Variants in ANO5 observed in about 807,000 individuals in gnomAD.
The protein encoded by ANO5 is anoctamin 5, also known as anoctamin-5.
Under a neutral mutation model 121.0 loss-of-function variants are expected in ANO5, and 109 were observed. The observed-to-expected ratio is 0.90, with a 90% CI of 0.77 to 1.06. ANO5 has a LOEUF of 1.06. Ranked by LOEUF, ANO5 falls within the 50% of genes least tolerant of loss-of-function variation. ANO5 has a pLI of 0.00. For synonymous variants in ANO5, 406 were observed against 359.9 expected (o/e 1.13, Z -1.45); for missense variants, 1,064 against 1,078.5 (o/e 0.99, Z 0.19).
At chr11:22,217,404 T>C (rs1852480248) in intron 3 of ANO5, among the ~76,000 whole-genome samples, 1 of 151,912 alleles carries the variant, frequency 6.6e-6, no homozygotes, top group Non-Finnish European at 1.5e-5. Flanking sequence ...AATGACTTTT[T>C]ATGTATTCTA....
At chr11:22,279,411 C>A in intron 21 of ANO5, 133 bp from the exon 22 acceptor site, 1 of 719,622 alleles carries the variant, frequency 1.4e-6, no homozygotes, top group Non-Finnish European at 2.4e-6. Context: ...GGACAGAGAC[C>A]ATATCTTCTT....
At chr11:22,274,444 A>G in intron 19 of ANO5, 125 bp from the exon 20 acceptor site, 1 of 903,856 alleles carries the variant, frequency 1.1e-6, no homozygotes, top group South Asian at 1.9e-5. Context: ...TATTACTATG[A>G]TTTATAATAG....
At chr11:22,211,635 C>G (rs1168321355) in intron 3 of ANO5, among the ~76,000 whole-genome samples, 1 of 151,848 alleles carries the variant, frequency 6.6e-6, no homozygotes, top group Non-Finnish European at 1.5e-5. Context: ...CTTGACTACA[C>G]TCAAGTTTCT....
intron 17 of ANO5, among the ~76,000 whole-genome samples, chr11:22,266,846 G>A (rs1042837709): frequency 2.0e-5 from 3 of 152,046 alleles, no homozygotes; most frequent in Admixed American, 6.6e-5. Flanking sequence ...AGCATCCTTG[G>A]ACTCTATCCA....
chr11:22,258,625 C>T (rs566074632), intron 14 of ANO5, among the ~76,000 whole-genome samples: 6 of 152,158 alleles, frequency 3.9e-5, no homozygotes, highest in South Asian at 2.1e-4. Context: ...CGCATATTAG[C>T]GCACTAATGG....
chr11:22,281,730 C>G lies in ANO5; in HGVS notation c.*1965C>G, dbSNP rs1266392902. 6.6e-6 allele frequency: 1 copy of G among 151,936 alleles called. No individual in the cohort carries two copies. Among genetic ancestry groups the G allele is most frequent in the Non-Finnish European group, 1.5e-5 (1 of 67,948 alleles). The allele number at this position is 151,936 out of a possible 1,614,324, so 9.4% of individuals were successfully genotyped here. ...GCTTAAAAGTATTCATAGAGGTAGA[C>G]TGTATGATAAATAAAAACAAATTTA... On this transcript the variant is annotated 3_prime_UTR_variant, in exon 22 of 22. Transcript: ENST00000324559.
intron 7 of ANO5, among the ~76,000 whole-genome samples, chr11:22,235,850 G>A (rs993131440): frequency 2.0e-5 from 3 of 152,072 alleles, no homozygotes; most frequent in African/African-American, 4.8e-5. Flanking sequence ...TATCCTACTT[G>A]AAGCCCTAAT....
intron 21 of ANO5, among the ~76,000 whole-genome samples, chr11:22,277,422 A>ACCCT (rs1854903114): frequency 1.3e-5 from 2 of 151,570 alleles, no homozygotes; most frequent in Non-Finnish European, 3.0e-5. Context: ...GCCACCTGAG[A>ACCCT]CCCTGCTGGT....
chr11:22,250,157 T>C (rs1853756343), intron 9 of ANO5, 80 bp from the exon 10 acceptor site: 6 of 1,345,160 alleles, frequency 4.5e-6, no homozygotes, highest in East Asian at 2.4e-5. Context: ...TTAGAATATA[T>C]GCCTGTCTGA....
chr11:22,222,146 A>G (rs760928315), intron 5 of ANO5, among the ~76,000 whole-genome samples: 7 of 151,824 alleles, frequency 4.6e-5, no homozygotes, highest in Non-Finnish European at 1.0e-4. Flanking sequence ...CCTTCCTTGT[A>G]TCTTGTTGAT....
intron 2 of ANO5, among the ~76,000 whole-genome samples, chr11:22,207,565 A>G (rs1852156109): frequency 6.6e-6 from 1 of 152,132 alleles, no homozygotes; most frequent in Non-Finnish European, 1.5e-5. Flanking sequence ...AAACTATACA[A>G]TTTTTTGAAG....
At position 22,236,353 on chromosome 11, in the gene ANO5, C is replaced by A. The variant is rs1853220595; in HGVS notation, c.762+77C>A. The A allele has an allele frequency of 2.5e-6, 3 of 1,214,154 alleles. No homozygotes were observed. In the South Asian group the frequency reaches 3.7e-5, roughly 15 times the overall value. The allele number at this position is 1,214,154 out of a possible 1,614,324, so 75.2% of individuals were successfully genotyped here. A position where few individuals can be genotyped will look rare whatever the true frequency, so the allele number is the denominator to read the frequency against. Reference sequence around the variant, plus strand: ...TTCATTACTGGGAGAGAGAATCTTCCTTTACTTCAGTTGCTTAGTTTTCTC... The same window carrying A: ...TTCATTACTGGGAGAGAGAATCTTCATTTACTTCAGTTGCTTAGTTTTCTC... On this transcript the variant is annotated intron_variant, in intron 8 of 21. Coordinates refer to ENST00000324559, the MANE Select transcript of ANO5 (RefSeq NM_213599.3).
At position 22,273,095 on chromosome 11, in the gene ANO5, T is replaced by G; in HGVS notation, c.2235+106T>G. On this transcript the variant is annotated intron_variant, in intron 19 of 21. Transcript: ENST00000324559. ...ACATGATTTCATTATGGTGATACTT[T>G]ATAAAGCTAAAACATTCCGAAATTG... is the stretch of plus-strand genomic sequence containing the variant. 11 of 1,229,712 alleles carry G rather than the reference T, an allele frequency of 8.9e-6. 1 individual carries two copies. In the South Asian group the frequency reaches 1.3e-4, roughly 15 times the overall value. The allele number at this position is 1,229,712 out of a possible 1,614,324, so 76.2% of individuals were successfully genotyped here. A position where few individuals can be genotyped will look rare whatever the true frequency, so the allele number is the denominator to read the frequency against.
intron 9 of ANO5, among the ~76,000 whole-genome samples, chr11:22,240,190 C>G (rs1853382948): frequency 6.6e-6 from 1 of 151,906 alleles, no homozygotes; most frequent in Non-Finnish European, 1.5e-5. Context: ...TGTGTGTGCT[C>G]TCAGTGAGCT....
intron 1 of ANO5, among the ~76,000 whole-genome samples, chr11:22,199,331 T>C (rs986686557): frequency 6.6e-6 from 1 of 152,184 alleles, no homozygotes; most frequent in African/African-American, 2.4e-5. Flanking sequence ...CATTATGAGA[T>C]AGACATACCA....
chr11:22,267,331 A>T (rs1590315052), intron 17 of ANO5, among the ~76,000 whole-genome samples: 1 of 151,826 alleles, frequency 6.6e-6, no homozygotes, highest in East Asian at 1.9e-4. Flanking sequence ...TTTTACATAT[A>T]TGTGTATATA....
At chr11:22,201,398 G>A (rs1338415055) in intron 1 of ANO5, among the ~76,000 whole-genome samples, 1 of 152,186 alleles carries the variant, frequency 6.6e-6, no homozygotes, top group African/African-American at 2.4e-5. Flanking sequence ...AGTGCAAATA[G>A]AGATATATCA....
chr11:22,279,250 G>A (rs1461678636), intron 21 of ANO5, among the ~76,000 whole-genome samples: 3 of 151,784 alleles, frequency 2.0e-5, no homozygotes, highest in African/African-American at 7.3e-5. Flanking sequence ...ACTCTTTTGA[G>A]TCTAATTCCT....
chr11:22,259,132 CAA>C (rs11317243), intron 14 of ANO5, among the ~76,000 whole-genome samples: 5,904 of 112,486 alleles, frequency 0.052, 316 homozygotes, highest in African/African-American at 0.17. Context: ...GACTCTGTCT[CAA>C]AAAAAAAAAA....
Sources: gnomAD v4.1 joint callset for allele counts (sites outside exome capture counted in the v4.1 genomes callset) on GRCh38, gnomAD v4.1.1 for gene constraint, MANE v1.5 for transcripts, NCBI Gene and HGNC (gene_info 2026-07-23, HGNC 2026-07-21) for gene names.